MLXIPL: variants seen among roughly 807,000 people sequenced by gnomAD.
The protein encoded by MLXIPL is MLX interacting protein like.
In MLXIPL, 49 loss-of-function variants were observed where a neutral mutation model predicts 81.5. The ratio of observed to expected loss-of-function variants is 0.60; its 90% CI spans 0.48 to 0.76. MLXIPL has a LOEUF of 0.76. Among genes scored for constraint, MLXIPL ranks in the 30% least tolerant of loss-of-function variants. The pLI is 0.00. For synonymous variants in MLXIPL, 466 were observed against 485.5 expected, an observed-to-expected ratio of 0.96 and a Z score of 0.53; for missense variants, 1,053 against 1,167.0, an observed-to-expected ratio of 0.90 and a Z score of 1.42.
At chr7:73,629,120 G>A (rs1342448044), upstream of MLXIPL, among the ~76,000 whole-genome samples, 2 of 150,800 alleles carry the variant, frequency 1.3e-5, no homozygotes, top group African/African-American at 4.9e-5. Context: ...TCAGCTCACT[G>A]CAACCTCCAC....
At position 73,596,099 on chromosome 7, in the gene MLXIPL, G is replaced by T. The variant is rs1189262671; in HGVS notation, c.2058+54C>A. ...TGCAATTGAGTTTTGGGTGGGGGGG[G>T]TCCAGAAAGGGGCCCTGTGGTTTTG... On this transcript the variant is annotated intron_variant, in intron 13 of 16. Transcript: ENST00000313375. This position sits in a 1 kb window ranked among gnomAD's most constrained non-coding sequence, Gnocchi z 4.7. 1.8e-5 allele frequency: 29 copies of T among 1,601,978 alleles called. 2 individuals are homozygous for T. The South Asian group carries it at 2.9e-4, about 16-fold the overall frequency.
the MLXIPL span, among the ~76,000 whole-genome samples, chr7:73,634,841 A>C: frequency 2.0e-5 from 3 of 150,050 alleles, no homozygotes; most frequent in Non-Finnish European, 4.4e-5. Context: ...TTTGAGACGG[A>C]GTCTCATTCT....
Position 73,593,496 on chromosome 7 carries a change from C to T in MLXIPL, c.*369G>A. On this transcript the variant is annotated 3_prime_UTR_variant, in exon 17 of 17. Coordinates refer to ENST00000313375, the MANE Select transcript of MLXIPL (RefSeq NM_032951.3). Reference sequence around the variant, plus strand: ...ACAGAGAAACAGCATCCTCCTCTTTCCACCGTTGAGCCCCCGGAGTTGCCA... The same window carrying T: ...ACAGAGAAACAGCATCCTCCTCTTTTCACCGTTGAGCCCCCGGAGTTGCCA... 2 of 318,490 alleles carry T rather than the reference C, an allele frequency of 6.3e-6. No homozygotes were observed. The highest frequency in any genetic ancestry group is 5.7e-5 in the South Asian group (2 of 35,314). 19.7% of individuals were successfully genotyped at this position (318,490 alleles called of 1,614,324 possible). A position where few individuals can be genotyped will look rare whatever the true frequency, so the allele number is the denominator to read the frequency against.
intron 2 of MLXIPL, among the ~76,000 whole-genome samples, chr7:73,613,194 C>T (rs920070210): frequency 2.0e-5 from 3 of 152,218 alleles, no homozygotes; most frequent in East Asian, 3.9e-4. Flanking sequence ...AAACCTTTGG[C>T]GTTTAGGGAG....
chr7:73,603,928 G>T (rs537674693), intron 7 of MLXIPL, among the ~76,000 whole-genome samples: 12 of 152,118 alleles, frequency 7.9e-5, no homozygotes, highest in Non-Finnish European at 1.3e-4. Context: ...TACAAAAATT[G>T]CTTTAGGCCA....
chr7:73,604,559 T>C (rs1795134192), intron 7 of MLXIPL, among the ~76,000 whole-genome samples: 1 of 152,030 alleles, frequency 6.6e-6, no homozygotes, highest in Non-Finnish European at 1.5e-5. Context: ...GGCAACAGAA[T>C]GAGACCCTGT....
At chr7:73,622,404 T>G (rs188301846) in intron 1 of MLXIPL, among the ~76,000 whole-genome samples, 1 of 151,698 alleles carries the variant, frequency 6.6e-6, no homozygotes, top group Admixed American at 6.6e-5. Flanking sequence ...CAGGAGATTC[T>G]CTTGAACCCG....
At chr7:73,607,092 T>C (rs1795341623) in intron 4 of MLXIPL, 74 bp from the exon 5 acceptor site, 2 of 1,556,080 alleles carry the variant, frequency 1.3e-6, no homozygotes, top group Non-Finnish European at 1.8e-6. Context: ...AAGTCTCCTC[T>C]ACTCACAAGC....
chr7:73,624,595 G>A (rs1223590862), upstream of MLXIPL: 24 of 1,397,560 alleles, frequency 1.7e-5, no homozygotes, highest in Non-Finnish European at 2.1e-5. Flanking sequence ...CACACCATAG[G>A]CCGATCGGGT....
intron 7 of MLXIPL, among the ~76,000 whole-genome samples, chr7:73,601,797 G>A (rs1794844943): frequency 6.6e-6 from 1 of 152,112 alleles, no homozygotes; most frequent in Non-Finnish European, 1.5e-5. Context: ...CTCCTAAAGT[G>A]CTGGGATGAC....
Position 73,596,554 on chromosome 7 carries a change from C to A in MLXIPL, c.1823-75G>T. ...GTCCCCATTGCCCCCTTCCTCTCAT[C>A]TGGCCCCAGACCCAGTCCCCTTCTT... On this transcript the variant is annotated intron_variant, in intron 11 of 16. Coordinates refer to ENST00000313375, the MANE Select transcript of MLXIPL (RefSeq NM_032951.3). The surrounding 1 kb of genome is among the most constrained non-coding windows in gnomAD (Gnocchi z 4.7). 1 of 1,602,256 alleles carries A rather than the reference C, an allele frequency of 6.2e-7. No homozygotes were observed. The highest frequency in any genetic ancestry group is 8.5e-7 in the Non-Finnish European group (1 of 1,174,488).
At chr7:73,607,529 G>A in intron 3 of MLXIPL, 61 bp downstream of exon 3, 2 of 1,589,338 alleles carry the variant, frequency 1.3e-6, no homozygotes, top group Non-Finnish European at 1.7e-6. Flanking sequence ...ACAGGAGGCA[G>A]GGGCTGGTCT....
the MLXIPL span, among the ~76,000 whole-genome samples, chr7:73,647,065 C>T: frequency 3.9e-5 from 6 of 152,118 alleles, no homozygotes; most frequent in African/African-American, 1.2e-4. Flanking sequence ...GGCCCAGAGA[C>T]GGAAAGTCGT....
chr7:73,630,352 G>C, the MLXIPL span, among the ~76,000 whole-genome samples: 3 of 144,444 alleles, frequency 2.1e-5, no homozygotes, highest in African/African-American at 5.2e-5. Context: ...GAATGCAGTG[G>C]CATGATCTTG....
intron 7 of MLXIPL, among the ~76,000 whole-genome samples, chr7:73,600,193 C>T (rs571366656): frequency 9.1e-4 from 137 of 150,588 alleles, no homozygotes; most frequent in African/African-American, 3.0e-3. Flanking sequence ...TCACTGGGTC[C>T]GGGACAAGCT....
At chr7:73,630,544 T>C in the MLXIPL span, among the ~76,000 whole-genome samples, 1 of 151,560 alleles carries the variant, frequency 6.6e-6, no homozygotes, top group Non-Finnish European at 1.5e-5. Flanking sequence ...CCTCCTGCCT[T>C]GGTCTCCCAA....
At chr7:73,633,547 G>A in the MLXIPL span, among the ~76,000 whole-genome samples, 13 of 152,008 alleles carry the variant, frequency 8.6e-5, no homozygotes, top group Admixed American at 6.6e-4. Context: ...GTTTTGACCT[G>A]GGCTCCAGCC....
chr7:73,631,558 C>CTTTTTTTTTTTTTTTTTTTTTTTT, the MLXIPL span, among the ~76,000 whole-genome samples: 8 of 69,662 alleles, frequency 1.1e-4, 2 homozygotes, highest in Non-Finnish European at 2.3e-4. Context: ...GATGTTGCTA[C>CTTTTTTTTTTTTTTTTTTTTTTTT]TTTTTTTTTT....
At chr7:73,647,787 C>T in the MLXIPL span, among the ~76,000 whole-genome samples, 4 of 151,570 alleles carry the variant, frequency 2.6e-5, no homozygotes, top group Non-Finnish European at 2.9e-5. Flanking sequence ...GGAATCCGCT[C>T]GACCTGCAGA....
Sources: allele counts gnomAD v4.1 joint callset (sites outside exome capture counted in the v4.1 genomes callset), GRCh38; gene constraint gnomAD v4.1.1; non-coding constraint Gnocchi (gnomAD v3.1); transcripts MANE v1.5; gene names NCBI Gene and HGNC (gene_info 2026-07-23, HGNC 2026-07-21).